PGPEP1L: variants seen among roughly 807,000 people sequenced by gnomAD.
The protein encoded by PGPEP1L is pyroglutamyl-peptidase I like.
A neutral mutation model predicts 6.0 loss-of-function variants in PGPEP1L; 7 were observed. The observed-to-expected ratio is 1.17, with a 90% CI of 0.66 to 2.19. The LOEUF (loss-of-function observed/expected upper bound fraction) is 2.19, where lower values mean the gene tolerates loss of function less well. Ranked by LOEUF, PGPEP1L falls within the 30% of genes most tolerant of loss-of-function variation. PGPEP1L has a pLI of 0.00. For synonymous variants in PGPEP1L, 103 were observed against 83.9 expected, an observed-to-expected ratio of 1.23 and a Z score of -1.24; for missense variants, 209 against 192.5, an observed-to-expected ratio of 1.09 and a Z score of -0.51.
At chr15:99,007,240 T>A (rs2018087319) in intron 1 of PGPEP1L, 119 bp downstream of exon 1, 3 of 122,584 alleles carry the variant, frequency 2.4e-5, no homozygotes, top group Admixed American at 7.9e-5. Flanking sequence ...ATGCAGAGGA[T>A]TTTTGTACTT....
Position 98,969,617 on chromosome 15 carries a change from T to G in PGPEP1L, c.17A>C (p.Lys6Thr), listed in dbSNP as rs1032354517. Residue 6 changes from lysine (K) to threonine (T), a missense_variant, in exon 4 of 5, where the codon AAG becomes ACG. Transcript: ENST00000535714. ...GCCAGACTGTTCCAGAATGATCGCC[T>G]TGGCGGCGGTGTCCATGCCCACATG... The part of the protein sequence containing the change: MDTAA[K>T]AIILEQSGKN... The G allele has an allele frequency of 5.6e-6, 9 of 1,612,928 alleles. No individual in the cohort carries two copies. Among genetic ancestry groups the G allele is most frequent in the Non-Finnish European group, 6.8e-6 (8 of 1,179,876 alleles).
At chr15:98,972,299 A>T (rs554122966) in intron 2 of PGPEP1L, among the ~76,000 whole-genome samples, 1 of 152,088 alleles carries the variant, frequency 6.6e-6, no homozygotes, top group Admixed American at 6.5e-5. Flanking sequence ...GTTGCAGTGA[A>T]CTGAGATCGT....
chr15:99,006,078 C>T (rs555537665), intron 1 of PGPEP1L, among the ~76,000 whole-genome samples: 96 of 152,318 alleles, frequency 6.3e-4, no homozygotes, highest in Non-Finnish European at 1.1e-3. Flanking sequence ...AATCTTATGG[C>T]GCCTGCCTTT....
intron 2 of PGPEP1L, among the ~76,000 whole-genome samples, chr15:98,984,830 A>T (rs1459276377): frequency 6.6e-6 from 1 of 152,094 alleles, no homozygotes; most frequent in Non-Finnish European, 1.5e-5. Context: ...CCCAGACGAA[A>T]ATACCACCAA....
intron 2 of PGPEP1L, among the ~76,000 whole-genome samples, chr15:98,972,889 A>G (rs1328892269): frequency 2.0e-5 from 3 of 150,818 alleles, no homozygotes; most frequent in African/African-American, 7.3e-5. Context: ...AAAAAAAAAA[A>G]AAAAAAAAAA....
At position 99,001,938 on chromosome 15, in the gene PGPEP1L, G is replaced by A. The variant is rs548387997; in HGVS notation, c.-142+3491C>T. ...TCACTATGTTGGCCAGGCTGGTCTC[G>A]AACTCCTGCCCTAAGTGATCCACCC... On this transcript the variant is annotated intron_variant, in intron 2 of 4. Transcript: ENST00000535714. Among the ~76,000 whole-genome samples the A allele has an allele frequency of 9.9e-5, 15 of 152,174 alleles. 1 individual carries two copies. The highest frequency in any genetic ancestry group is 3.1e-4 in the African/African-American group (13 of 41,514).
rs559147955 is a variant in PGPEP1L, at chr15:98,978,785, G to A, written c.-141-7627C>T. ...TTGCTCTGTCACCAGGCTGGAGTGC[G>A]GTGGCATGATCTCGGCTCACCGCAA... On this transcript the variant is annotated intron_variant, in intron 2 of 4. Transcript: ENST00000535714. 3.4e-3 allele frequency among the ~76,000 whole-genome samples: 482 copies of A among 143,414 alleles called. 2 individuals are homozygous for A. The highest frequency in any genetic ancestry group is 0.011 in the African/African-American group (414 of 38,412). 94.1% of individuals were successfully genotyped at this position (143,414 alleles called of 152,430 possible). A position where few individuals can be genotyped will look rare whatever the true frequency, so the allele number is the denominator to read the frequency against.
chr15:98,993,288 G>A (rs2017842621), intron 2 of PGPEP1L, among the ~76,000 whole-genome samples: 2 of 152,144 alleles, frequency 1.3e-5, no homozygotes, highest in South Asian at 4.1e-4. Flanking sequence ...AGTGGGTGAA[G>A]GATATGAACA....
At chr15:99,002,216 G>A (rs1165049038) in intron 2 of PGPEP1L, among the ~76,000 whole-genome samples, 1 of 151,938 alleles carries the variant, frequency 6.6e-6, no homozygotes, top group Non-Finnish European at 1.5e-5. Flanking sequence ...GGCTGCCCTC[G>A]AACTCCTGGT....
At chr15:98,968,810 C>T in intron 4 of PGPEP1L, 113 bp from the exon 5 acceptor site, 2 of 926,562 alleles carry the variant, frequency 2.2e-6, no homozygotes, top group Non-Finnish European at 3.3e-6. Flanking sequence ...AGCACTGCCA[C>T]CCAAGGGAGA....
At chr15:98,993,718 A>G (rs1292167891) in intron 2 of PGPEP1L, among the ~76,000 whole-genome samples, 2 of 152,108 alleles carry the variant, frequency 1.3e-5, no homozygotes, top group African/African-American at 2.4e-5. Flanking sequence ...GAAATACCTA[A>G]TATAGATGAT....
intron 2 of PGPEP1L, among the ~76,000 whole-genome samples, chr15:99,002,075 G>A (rs1045297853): frequency 5.3e-5 from 8 of 152,050 alleles, no homozygotes; most frequent in African/African-American, 1.9e-4. Flanking sequence ...GTAGTACCAC[G>A]ATCATAGCTT....
At chr15:99,000,288 C>A (rs1465959021) in intron 2 of PGPEP1L, among the ~76,000 whole-genome samples, 1 of 152,222 alleles carries the variant, frequency 6.6e-6, no homozygotes, top group East Asian at 1.9e-4. Flanking sequence ...GGAGCTCCCC[C>A]TCCTCCGTGG....
intron 2 of PGPEP1L, among the ~76,000 whole-genome samples, chr15:98,999,721 T>G (rs1383688178): frequency 6.6e-6 from 1 of 152,254 alleles, no homozygotes; most frequent in Non-Finnish European, 1.5e-5. Flanking sequence ...TTCACCCATC[T>G]CACAGAATAC....
At chr15:98,984,762 C>G (rs760505726) in intron 2 of PGPEP1L, among the ~76,000 whole-genome samples, 13 of 152,050 alleles carry the variant, frequency 8.5e-5, no homozygotes, top group Admixed American at 2.0e-4. Flanking sequence ...CAGGAAGAGA[C>G]AGTGGTCCTG....
At chr15:98,978,839 C>A (rs1262914055) in intron 2 of PGPEP1L, among the ~76,000 whole-genome samples, 1 of 150,202 alleles carries the variant, frequency 6.7e-6, no homozygotes, top group African/African-American at 2.4e-5. Flanking sequence ...AAGCAATTCT[C>A]CTGCCTCAGC....
chr15:98,985,896 G>A (rs2017740436), intron 2 of PGPEP1L, among the ~76,000 whole-genome samples: 1 of 152,222 alleles, frequency 6.6e-6, no homozygotes, highest in Non-Finnish European at 1.5e-5. Context: ...CCACCAGGCA[G>A]CCTTCCCAGC....
intron 1 of PGPEP1L, 134 bp downstream of exon 1, chr15:99,007,225 G>A (rs1178191490): frequency 4.6e-5 from 7 of 151,022 alleles, no homozygotes; most frequent in Non-Finnish European, 7.4e-5. Context: ...CTTGCCATGA[G>A]TGGGATGCAG....
At chr15:98,985,214 A>G (rs2017730278) in intron 2 of PGPEP1L, among the ~76,000 whole-genome samples, 1 of 152,126 alleles carries the variant, frequency 6.6e-6, no homozygotes, top group South Asian at 2.1e-4. Flanking sequence ...TCAGGTCCTC[A>G]GGTTCTTCTA....
Sources: allele counts gnomAD v4.1 joint callset (sites outside exome capture counted in the v4.1 genomes callset), GRCh38; gene constraint gnomAD v4.1.1; transcripts MANE v1.5; gene names NCBI Gene and HGNC (gene_info 2026-07-23, HGNC 2026-07-21).